Variants in USP9Y observed in about 807,000 individuals in gnomAD.
USP9Y encodes the protein ubiquitin specific peptidase 9 Y-linked.
USP9Y carries 41 observed loss-of-function variants against 53.1 expected under a neutral mutation model. The ratio of observed to expected loss-of-function variants is 0.77; its 90% CI spans 0.60 to 1.00. The LOEUF (loss-of-function observed/expected upper bound fraction) is 1.00. USP9Y is among the 50% of genes least tolerant of loss of function. The pLI, the probability that USP9Y is intolerant of heterozygous loss-of-function variation, is 0.00. For missense variants in USP9Y, 567 were observed against 535.8 expected, an observed-to-expected ratio of 1.06 and a Z score of -0.58; for synonymous variants, 220 against 173.7, an observed-to-expected ratio of 1.27 and a Z score of -2.09.
At chrY:12,707,564 T>TA (rs2053420403) in intron 1 of USP9Y, among the ~76,000 whole-genome samples, 7 of 33,636 alleles carry the variant, frequency 2.1e-4, no homozygotes, top group African/African-American at 8.1e-4. Flanking sequence ...GTTATACACA[T>TA]ATGTATTGGT....
intron 1 of USP9Y, among the ~76,000 whole-genome samples, 190 bp from the exon 2 acceptor site, chrY:12,708,436 AGATTTGAT>A: frequency 5.9e-5 from 2 of 33,703 alleles, no homozygotes; most frequent in Non-Finnish European, 1.5e-4. Context: ...CTCACTTGAC[AGATTTGAT>A]GGTTTTGGAG....
chrY:12,772,523 G>T (rs2053486642), intron 16 of USP9Y, among the ~76,000 whole-genome samples: 1 of 31,372 alleles, frequency 3.2e-5, no homozygotes, highest in Non-Finnish European at 7.7e-5. Context: ...CCAGCACTTT[G>T]GGAGGCCGAG....
intron 27 of USP9Y, among the ~76,000 whole-genome samples, chrY:12,809,248 G>A: frequency 3.0e-5 from 1 of 33,128 alleles, no homozygotes. Context: ...TGAGAGGCTG[G>A]AAGTCTGCTA....
chrY:12,854,789 C>G (rs778172213), intron 42 of USP9Y, among the ~76,000 whole-genome samples: 66 of 33,975 alleles, frequency 1.9e-3, no homozygotes, highest in South Asian at 0.01. Flanking sequence ...AGTAAAGGTA[C>G]ACATGTTGGA....
chrY:12,770,396 G>A (rs1026585390), intron 15 of USP9Y, among the ~76,000 whole-genome samples: 1 of 31,933 alleles, frequency 3.1e-5, no homozygotes, highest in African/African-American at 1.2e-4. Flanking sequence ...GCAACAGAGC[G>A]AGACTCCATC....
intron 33 of USP9Y, among the ~76,000 whole-genome samples, chrY:12,822,429 A>G: frequency 3.4e-5 from 1 of 29,649 alleles, no homozygotes; most frequent in Non-Finnish European, 8.0e-5. Context: ...CAGTGGTGCA[A>G]TCTTGGCTCA....
At chrY:12,828,837 G>A in intron 33 of USP9Y, among the ~76,000 whole-genome samples, 1 of 32,202 alleles carries the variant, frequency 3.1e-5, no homozygotes, top group Non-Finnish European at 7.6e-5. Context: ...ATAATTTATC[G>A]TTTATGCTTC....
chrY:12,825,878 T>C (rs995655609), intron 33 of USP9Y, among the ~76,000 whole-genome samples: 1 of 27,212 alleles, frequency 3.7e-5, no homozygotes, highest in Non-Finnish European at 8.3e-5. Context: ...AGTTGAACGG[T>C]AAACAGTATA....
intron 33 of USP9Y, among the ~76,000 whole-genome samples, chrY:12,824,919 GGTTT>G (rs2053544815): frequency 3.1e-5 from 1 of 31,934 alleles, no homozygotes; most frequent in Non-Finnish European, 7.7e-5. Flanking sequence ...TGTTTTTGTT[GGTTT>G]GTTTGTTTGT....
Position 12,709,556 on chromosome Y carries a change from CTG to C in USP9Y, c.96+17_96+18del, listed in dbSNP as rs751368612. The C allele has an allele frequency of 5.4e-6, 2 of 371,805 alleles. No homozygotes were observed. The highest frequency in any genetic ancestry group is 1.5e-4 in the Admixed American group (2 of 13,086). 92.7% of individuals were successfully genotyped at this position (371,805 alleles called of 400,897 possible). On this transcript the variant is annotated intron_variant, in intron 3 of 45. Transcript: ENST00000338981. ...CCAACAGAACCAGGTAGGAGTAAGA[CTG>C]TGTTGTTTTGAGTACTGTGAAATAC... is the stretch of plus-strand genomic sequence containing the variant.
intron 37 of USP9Y, among the ~76,000 whole-genome samples, chrY:12,841,522 G>A (rs1031759374): frequency 3.5e-4 from 11 of 31,844 alleles, no homozygotes; most frequent in Admixed American, 2.3e-3. Flanking sequence ...GTGAAACCTC[G>A]TCTCAACAAA....
rs2053542253 is a variant in USP9Y at position 12,822,266 on chromosome Y, G to A, written c.5021+3656G>A. Among the ~76,000 whole-genome samples the A allele has an allele frequency of 1.2e-4, 4 of 32,663 alleles. No individual in the cohort carries two copies. In the East Asian group the frequency reaches 3.1e-3, roughly 25 times the overall value. The allele number at this position is 32,663 out of a possible 37,273, so 87.6% of individuals were successfully genotyped here. Reference sequence around the variant, plus strand: ...TTCTTTGTATCTTTTTTGCGTATTTGTGATATTAGGCCCTTAAAGATAAAT... The same window carrying A: ...TTCTTTGTATCTTTTTTGCGTATTTATGATATTAGGCCCTTAAAGATAAAT... On this transcript the variant is annotated intron_variant, in intron 33 of 45. Transcript: ENST00000338981.
chrY:12,810,606 TA>T (rs2053529286), intron 28 of USP9Y, 65 bp from the exon 29 acceptor site: 5 of 345,600 alleles, frequency 1.4e-5, no homozygotes, highest in Non-Finnish European at 4.1e-6. Flanking sequence ...TTTCTGGGTT[TA>T]AAAAAATTAT....
At chrY:12,778,483 T>C in intron 20 of USP9Y, 123 bp from the exon 21 acceptor site, 1 of 239,433 alleles carries the variant, frequency 4.2e-6, no homozygotes, top group Non-Finnish European at 6.5e-6. Flanking sequence ...TAGACAGTAA[T>C]TTTTAAATGT....
At chrY:12,767,606 CTGTGTG>C (rs199662654) in intron 15 of USP9Y, among the ~76,000 whole-genome samples, 9 of 26,602 alleles carry the variant, frequency 3.4e-4, no homozygotes, top group South Asian at 8.7e-4. Context: ...GTGTGTGTAT[CTGTGTG>C]TGTGTGTGTG....
Position 12,786,274 on chromosome Y carries a change from C to G in USP9Y, c.3223C>G (p.Pro1075Ala). 1 of 398,141 alleles carries G rather than the reference C, an allele frequency of 2.5e-6. No homozygotes were observed. Among genetic ancestry groups the G allele is most frequent in the Non-Finnish European group, 3.5e-6 (1 of 283,191 alleles). Reference sequence around the variant, plus strand: ...AAAACTTGGAGAAGGCAAACTTAGTCCACCCCTTGACTCTCTTTTCTTTGG... The same window carrying G: ...AAAACTTGGAGAAGGCAAACTTAGTGCACCCCTTGACTCTCTTTTCTTTGG... ...HAKLGEGKLS[P>A]PLDSLFFGPS... Residue 1075 changes from proline (P) to alanine (A), a missense_variant, in exon 23 of 46, where the codon CCA becomes GCA. By Grantham distance (27) the Pro-to-Ala change is conservative. Transcript: ENST00000338981.
At position 12,758,636 on chromosome Y, in the gene USP9Y, A is replaced by T; in HGVS notation, c.1760A>T (p.Asn587Ile). The change falls in exon 14 of 46, where the codon AAT (asparagine) becomes ATT (isoleucine). Residue 587 changes from asparagine (N) to isoleucine (I), a missense_variant. By Grantham distance (149) the Asn-to-Ile change is moderately radical. Coordinates refer to ENST00000338981, the MANE Select transcript of USP9Y (RefSeq NM_004654.4). ...ICSLFGEASQ[N>I]LSQTQRSPHI... is the part of the protein sequence containing the mutation. ...AGTTTGTTTGGTGAAGCATCTCAAA[A>T]TTTGAGGTAAGACTTTTTTAATAGA... is the stretch of plus-strand genomic sequence containing the variant. 1 of 377,687 alleles carries T rather than the reference A, an allele frequency of 2.6e-6. No homozygotes were observed. The highest frequency in any genetic ancestry group is 3.7e-6 in the Non-Finnish European group (1 of 268,199). 94.2% of individuals were successfully genotyped at this position (377,687 alleles called of 400,897 possible).
chrY:12,853,138 G>A, intron 42 of USP9Y, among the ~76,000 whole-genome samples: 1 of 33,921 alleles, frequency 2.9e-5, no homozygotes, highest in Non-Finnish European at 7.4e-5. Flanking sequence ...AGCCCTGCCC[G>A]CAGAGGTGGA....
chrY:12,807,891 T>C (rs978424322), intron 27 of USP9Y, among the ~76,000 whole-genome samples: 2 of 33,269 alleles, frequency 6.0e-5, no homozygotes, highest in Non-Finnish European at 1.5e-4. Flanking sequence ...AGTGTTTTAA[T>C]TGAGTGTAAT....
Sources: allele counts gnomAD v4.1 joint callset (sites outside exome capture counted in the v4.1 genomes callset), GRCh38; gene constraint gnomAD v4.1.1; transcripts MANE v1.5; gene names NCBI Gene and HGNC (gene_info 2026-07-23, HGNC 2026-07-21).